The following MARCHF1 variants were observed in gnomAD, a reference collection of about 807,000 sequenced individuals.
The protein encoded by MARCHF1 is membrane associated ring-CH-type finger 1, also known as E3 ubiquitin-protein ligase MARCHF1.
MARCHF1 carries 40 observed loss-of-function variants against 54.2 expected under a neutral mutation model. That is an observed-to-expected ratio of 0.74 (90% CI 0.57 to 0.96). The LOEUF (loss-of-function observed/expected upper bound fraction) is 0.96. MARCHF1 is among the 40% of genes least tolerant of loss of function. MARCHF1 has a pLI of 0.00. For missense variants in MARCHF1, 586 were observed against 656.5 expected, an observed-to-expected ratio of 0.89 and a Z score of 1.17; for synonymous variants, 236 against 236.3, an observed-to-expected ratio of 1.00 and a Z score of 0.01.
chr4:164,185,464 C>A (rs149026192), intron 1 of MARCHF1, among the ~76,000 whole-genome samples: 3 of 152,182 alleles, frequency 2.0e-5, no homozygotes, highest in African/African-American at 7.2e-5. Flanking sequence ...AATATGTTAC[C>A]ATATACTAGC....
chr4:163,754,219 C>T (rs1746601521), intron 4 of MARCHF1, among the ~76,000 whole-genome samples: 1 of 152,198 alleles, frequency 6.6e-6, no homozygotes, highest in Admixed American at 6.5e-5. Flanking sequence ...CGAGCAAGAA[C>T]AAAAGCTTTC....
At chr4:164,242,563 C>G (rs945505368) in intron 1 of MARCHF1, among the ~76,000 whole-genome samples, 6 of 151,972 alleles carry the variant, frequency 3.9e-5, no homozygotes, top group Non-Finnish European at 8.8e-5. Flanking sequence ...CTCTAAAAAG[C>G]AGAGCGCCTC....
At chr4:163,628,120 T>G (rs1046909498) in intron 5 of MARCHF1, among the ~76,000 whole-genome samples, 1 of 152,098 alleles carries the variant, frequency 6.6e-6, no homozygotes, top group African/African-American at 2.4e-5. Flanking sequence ...GTTTGAAAGA[T>G]ACTATGAAAG....
intron 8 of MARCHF1, among the ~76,000 whole-genome samples, chr4:163,560,278 T>G (rs1739426415): frequency 1.3e-5 from 2 of 152,194 alleles, no homozygotes; most frequent in African/African-American, 4.8e-5. Flanking sequence ...TTTTTTACAT[T>G]TATTAAAAAC....
chr4:164,141,877 G>C (rs1484182405), intron 1 of MARCHF1, among the ~76,000 whole-genome samples: 2 of 152,168 alleles, frequency 1.3e-5, no homozygotes, highest in African/African-American at 2.4e-5. Flanking sequence ...CAACGCAGAA[G>C]ACCGGTGATT....
chr4:164,011,258 A>G (rs1431845949), intron 2 of MARCHF1, among the ~76,000 whole-genome samples: 1 of 152,210 alleles, frequency 6.6e-6, no homozygotes, highest in Non-Finnish European at 1.5e-5. Context: ...AGAACCAAAA[A>G]TTGACAAATG....
rs561946193 is a variant in MARCHF1 at position 164,231,363 on chromosome 4, T to G, written c.-322-119701A>C. ...TTGATAGAGAAATGGCCAATTTATT[T>G]TTTTATGGCATGCTAAAATTTAGAA... is the stretch of plus-strand genomic sequence containing the variant. On this transcript the variant is annotated intron_variant, in intron 1 of 9. Transcript: ENST00000514618. 7.6e-4 allele frequency among the ~76,000 whole-genome samples: 115 copies of G among 152,282 alleles called. 1 individual carries two copies. In the East Asian group the frequency reaches 0.011, roughly 15 times the overall value.
chr4:164,224,099 C>T (rs985260256), intron 1 of MARCHF1, among the ~76,000 whole-genome samples: 11 of 151,122 alleles, frequency 7.3e-5, no homozygotes, highest in Non-Finnish European at 1.2e-4. Flanking sequence ...GCCCACAGGC[C>T]ACATGTGGCC....
rs1360753233 is a variant in MARCHF1 at position 163,535,203 on chromosome 4, A to G, written c.1340-6157T>C. ...TATATTATTCATTTTTGGAAAAAAA[A>G]TTGAGGGGGGTATATAAAAGAATCA... On this transcript the variant is annotated intron_variant, in intron 9 of 9. Transcript: ENST00000514618. Among the ~76,000 whole-genome samples the G allele has an allele frequency of 4.6e-5, 7 of 152,068 alleles. No individual in the cohort carries two copies. The East Asian group carries it at 1.3e-3, about 29-fold the overall frequency.
intron 3 of MARCHF1, among the ~76,000 whole-genome samples, chr4:163,873,720 C>T (rs1178208969): frequency 1.3e-5 from 2 of 152,210 alleles, no homozygotes; most frequent in Non-Finnish European, 2.9e-5. Flanking sequence ...ATTCCTTTCC[C>T]TTCCTTCCTG....
chr4:164,324,485 AC>A (rs1455493366), intron 1 of MARCHF1, among the ~76,000 whole-genome samples: 3 of 151,556 alleles, frequency 2.0e-5, no homozygotes, highest in Non-Finnish European at 4.4e-5. Context: ...ACTTTGATGA[AC>A]CTATTATACA....
intron 1 of MARCHF1, among the ~76,000 whole-genome samples, chr4:164,270,312 C>G (rs1385883446): frequency 6.6e-6 from 1 of 152,300 alleles, no homozygotes; most frequent in Admixed American, 6.5e-5. Context: ...ATGTCCCATT[C>G]TCTGTGAAGC....
At chr4:164,302,060 G>A (rs1650822309) in intron 1 of MARCHF1, among the ~76,000 whole-genome samples, 1 of 152,040 alleles carries the variant, frequency 6.6e-6, no homozygotes, top group Admixed American at 6.5e-5. Context: ...GACATATGCA[G>A]GAGCACATCC....
intron 1 of MARCHF1, among the ~76,000 whole-genome samples, chr4:164,196,741 C>T (rs1406425787): frequency 6.6e-6 from 1 of 151,996 alleles, no homozygotes; most frequent in Non-Finnish European, 1.5e-5. Flanking sequence ...AAGCTAGTAT[C>T]CCAGTTAATA....
chr4:164,030,879 G>A (rs1399783650), intron 2 of MARCHF1, among the ~76,000 whole-genome samples: 2 of 152,118 alleles, frequency 1.3e-5, no homozygotes, highest in East Asian at 3.9e-4. Context: ...TTGGCTCTCT[G>A]CTTGTCTATT....
intron 1 of MARCHF1, among the ~76,000 whole-genome samples, chr4:164,130,994 C>G (rs552408305): frequency 6.6e-6 from 1 of 152,176 alleles, no homozygotes; most frequent in East Asian, 1.9e-4. Context: ...TGTAAAATAA[C>G]CTGACTCATT....
intron 1 of MARCHF1, among the ~76,000 whole-genome samples, chr4:164,140,035 A>G (rs973149817): frequency 6.6e-6 from 1 of 152,066 alleles, no homozygotes; most frequent in African/African-American, 2.4e-5. Flanking sequence ...GGACCAGTTA[A>G]CAAATTAAGA....
Position 164,208,950 on chromosome 4 carries a change from CTCTG to C in MARCHF1, c.-322-97292_-322-97289del, listed in dbSNP as rs764099379. 8.2e-4 allele frequency among the ~76,000 whole-genome samples: 125 copies of C among 151,706 alleles called. 1 individual carries two copies. The highest frequency in any genetic ancestry group is 9.7e-4 in the Non-Finnish European group (66 of 67,884). On this transcript the variant is annotated intron_variant, in intron 1 of 9. Coordinates refer to ENST00000514618, the MANE Select transcript of MARCHF1 (RefSeq NM_001394959.1). Reference sequence around the variant, plus strand: ...ACAGAGTAATACCCTGTTTCTCTGTCTCTGTCTGTCTGTCTCTCTCTCTCTCTCA... The same window carrying C: ...ACAGAGTAATACCCTGTTTCTCTGTCTCTGTCTGTCTCTCTCTCTCTCTCA...
At chr4:164,006,520 G>C (rs781095034) in intron 2 of MARCHF1, among the ~76,000 whole-genome samples, 13 of 152,128 alleles carry the variant, frequency 8.5e-5, no homozygotes, top group Non-Finnish European at 1.0e-4. Flanking sequence ...TATTGGTGTT[G>C]AGAGGGAGCT....
Sources: gnomAD v4.1 joint callset for allele counts (sites outside exome capture counted in the v4.1 genomes callset) on GRCh38, gnomAD v4.1.1 for gene constraint, MANE v1.5 for transcripts, NCBI Gene and HGNC (gene_info 2026-07-23, HGNC 2026-07-21) for gene names.